Variants in GRIK2 observed in about 807,000 individuals in gnomAD.
The protein encoded by GRIK2 is glutamate receptor ionotropic, kainate 2.
In GRIK2, 32 loss-of-function variants were observed where a neutral mutation model predicts 100.3. The ratio of observed to expected loss-of-function variants is 0.32; its 90% CI spans 0.24 to 0.43. GRIK2 has a LOEUF of 0.43. Ranked by LOEUF, GRIK2 falls within the 20% of genes least tolerant of loss-of-function variation. The pLI, the probability that GRIK2 is intolerant of heterozygous loss-of-function variation, is 1.00. For synonymous variants in GRIK2, 417 were observed against 389.4 expected (o/e 1.07, Z -0.83); for missense variants, 843 against 1,114.9 (o/e 0.76, Z 3.47).
At chr6:101,407,388 A>G (rs1399014463) in intron 2 of GRIK2, among the ~76,000 whole-genome samples, 2 of 152,120 alleles carry the variant, frequency 1.3e-5, no homozygotes, top group East Asian at 1.9e-4. Context: ...ATTGCAATTA[A>G]TGTCAGATTT....
rs550197977 is a variant in GRIK2, at chr6:101,735,229, G to A, written c.951+48876G>A. Among the ~76,000 whole-genome samples the A allele has an allele frequency of 1.7e-3, 266 of 152,238 alleles. 2 individuals carry two copies. Among genetic ancestry groups the A allele is most frequent in the African/African-American group, 5.8e-3 (239 of 41,542 alleles). On this transcript the variant is annotated intron_variant, in intron 7 of 16. Coordinates refer to ENST00000369134, the MANE Select transcript of GRIK2 (RefSeq NM_021956.5). ...AGGTAGAGAATGTAAAAAATGTAGC[G>A]ATAAAGGATCTGATGAAAAGGCACC...
At chr6:102,044,369 G>A (rs1770764219) in intron 15 of GRIK2, among the ~76,000 whole-genome samples, 1 of 151,892 alleles carries the variant, frequency 6.6e-6, no homozygotes, top group Non-Finnish European at 1.5e-5. Context: ...TAAGATTCCT[G>A]TATTAGTCTG....
chr6:101,595,406 G>A (rs1375354895), intron 2 of GRIK2, among the ~76,000 whole-genome samples: 1 of 151,562 alleles, frequency 6.6e-6, no homozygotes, highest in Non-Finnish European at 1.5e-5. Context: ...CAATGAGTGT[G>A]GTTGTGTTTC....
At chr6:101,468,487 A>G (rs2128254985) in intron 2 of GRIK2, among the ~76,000 whole-genome samples, 1 of 152,204 alleles carries the variant, frequency 6.6e-6, no homozygotes, top group African/African-American at 2.4e-5. Flanking sequence ...TATCCATAGG[A>G]ATTACAATGG....
intron 2 of GRIK2, among the ~76,000 whole-genome samples, chr6:101,509,784 A>T: frequency 6.6e-6 from 1 of 152,214 alleles, no homozygotes; most frequent in East Asian, 1.9e-4. Context: ...GATTATTCAC[A>T]AATTGGTATT....
intron 2 of GRIK2, among the ~76,000 whole-genome samples, chr6:101,490,339 CTT>C (rs1256915194): frequency 6.8e-6 from 1 of 146,786 alleles, no homozygotes; most frequent in East Asian, 1.9e-4. Context: ...ATTTAAGAAA[CTT>C]CTCCAAAGAT....
intron 14 of GRIK2, among the ~76,000 whole-genome samples, chr6:101,980,119 A>G (rs1793626548): frequency 6.6e-6 from 1 of 151,980 alleles, no homozygotes; most frequent in Non-Finnish European, 1.5e-5. Flanking sequence ...ATGAATGGAT[A>G]AGGATCTGAA....
At chr6:101,416,949 T>G (rs766262000) in intron 2 of GRIK2, among the ~76,000 whole-genome samples, 11 of 152,178 alleles carry the variant, frequency 7.2e-5, no homozygotes, top group Admixed American at 3.9e-4. Flanking sequence ...TCAATGTTAG[T>G]GCAGCAAAAA....
chr6:101,943,469 C>T (rs573384295), intron 14 of GRIK2, among the ~76,000 whole-genome samples: 10 of 152,292 alleles, frequency 6.6e-5, no homozygotes, highest in Admixed American at 2.0e-4. Flanking sequence ...TTGTATCTTG[C>T]ACCTGGAAAA....
intron 11 of GRIK2, among the ~76,000 whole-genome samples, chr6:101,875,303 A>G (rs1785745989): frequency 6.6e-6 from 1 of 151,888 alleles, no homozygotes; most frequent in Non-Finnish European, 1.5e-5. Context: ...ACAAAACCTC[A>G]ATAAGAGATC....
chr6:101,592,615 A>ATATATATATATATG lies in GRIK2; in HGVS notation c.116-29325_116-29324insATATGTATATATAT, dbSNP rs887154272. On this transcript the variant is annotated intron_variant, in intron 2 of 16. Transcript: ENST00000369134. ...TATATATATATATATATATATATATATATATATATTGCTTTTTCACAGACA... is the reference window on the plus strand; with the variant it reads ...TATATATATATATATATATATATATATATATATATATATGTATATATATTGCTTTTTCACAGACA... Among the ~76,000 whole-genome samples, 58 of 127,798 alleles carry ATATATATATATATG rather than the reference A, an allele frequency of 4.5e-4. 3 individuals carry two copies. The highest frequency in any genetic ancestry group is 1.8e-3 in the African/African-American group (53 of 30,282). 83.8% of individuals were successfully genotyped at this position (127,798 alleles called of 152,430 possible). A position where few individuals can be genotyped will look rare whatever the true frequency, so the allele number is the denominator to read the frequency against.
At chr6:101,763,219 G>C (rs751110010) in intron 7 of GRIK2, among the ~76,000 whole-genome samples, 1 of 152,188 alleles carries the variant, frequency 6.6e-6, no homozygotes, top group African/African-American at 2.4e-5. Context: ...ATGACAATGT[G>C]GTAAGAACAT....
At chr6:101,393,925 A>C (rs1774900797) in intron 1 of GRIK2, among the ~76,000 whole-genome samples, 88 bp downstream of exon 1, 1 of 151,700 alleles carries the variant, frequency 6.6e-6, no homozygotes, top group Admixed American at 6.6e-5. Context: ...CGGGTGGGCG[A>C]GGGGCATTTT....
At chr6:101,494,971 T>TTTTATATATATATATATATA (rs1554209024) in intron 2 of GRIK2, among the ~76,000 whole-genome samples, 4 of 107,984 alleles carry the variant, frequency 3.7e-5, no homozygotes, top group East Asian at 5.3e-4. Flanking sequence ...ATATATGCAT[T>TTTTATATATATATATATATA]TATATATATA....
chr6:101,811,058 C>T (rs1035213185), intron 9 of GRIK2, among the ~76,000 whole-genome samples: 38 of 152,160 alleles, frequency 2.5e-4, no homozygotes, highest in African/African-American at 6.7e-4. Context: ...ACAGTACTAT[C>T]GGGGTGCCAA....
At chr6:101,428,002 T>C (rs1232832801) in intron 2 of GRIK2, among the ~76,000 whole-genome samples, 1 of 152,214 alleles carries the variant, frequency 6.6e-6, no homozygotes, top group African/African-American at 2.4e-5. Context: ...AAAGTAGTTC[T>C]GGAGTCATCT....
At position 101,625,891 on chromosome 6, in the gene GRIK2, G is replaced by A. The variant is rs1021913600; in HGVS notation, c.284-489G>A. On this transcript the variant is annotated intron_variant, in intron 3 of 16. Transcript: ENST00000369134. ...GCAGGTTTTGTGTGGCTGAGTGTTC[G>A]CATAACCCGACATGTATCATCAGAT... Among the ~76,000 whole-genome samples the A allele has an allele frequency of 3.9e-5, 6 of 152,180 alleles. No homozygotes were observed. In the South Asian group the frequency reaches 8.3e-4, roughly 21 times the overall value.
At chr6:101,590,783 T>C (rs989561824) in intron 2 of GRIK2, among the ~76,000 whole-genome samples, 2 of 152,070 alleles carry the variant, frequency 1.3e-5, no homozygotes, top group African/African-American at 4.8e-5. Context: ...TCTCCCTAAA[T>C]CTGCAATGCC....
intron 2 of GRIK2, among the ~76,000 whole-genome samples, chr6:101,557,692 T>G (rs192204143): frequency 1.3e-5 from 2 of 152,278 alleles, no homozygotes; most frequent in African/African-American, 4.8e-5. Context: ...AGTCTCTTAG[T>G]TTTTCCCATC....
Sources: allele counts gnomAD v4.1 joint callset (sites outside exome capture counted in the v4.1 genomes callset), GRCh38; gene constraint gnomAD v4.1.1; transcripts MANE v1.5; gene names NCBI Gene and HGNC (gene_info 2026-07-23, HGNC 2026-07-21).